CDH17: variants seen among roughly 807,000 people sequenced by gnomAD.
CDH17 encodes cadherin 17, also known as cadherin-17.
A neutral mutation model predicts 86.3 loss-of-function variants in CDH17; 67 were observed. That is an observed-to-expected ratio of 0.78 (90% CI 0.64 to 0.95). The LOEUF is 0.95. CDH17 is among the 40% of genes least tolerant of loss of function. The probability of loss-of-function intolerance (pLI) is 0.00; values close to 1 mark genes in which losing one functional copy is unlikely to be tolerated. For synonymous variants in CDH17, 367 were observed against 366.4 expected (o/e 1.00, Z -0.02); for missense variants, 993 against 1,017.6 (o/e 0.98, Z 0.33).
chr8:94,214,868 T>C (rs1483224238), intron 1 of CDH17, among the ~76,000 whole-genome samples: 1 of 152,070 alleles, frequency 6.6e-6, no homozygotes, highest in African/African-American at 2.4e-5. Flanking sequence ...AAAAAGCACA[T>C]GAAAAGATGC....
chr8:94,195,647 T>A (rs1346042994), intron 1 of CDH17, among the ~76,000 whole-genome samples: 1 of 152,206 alleles, frequency 6.6e-6, no homozygotes, highest in Non-Finnish European at 1.5e-5. Flanking sequence ...CTATGAGACA[T>A]GTCATGACTA....
chr8:94,179,003 T>C (rs1373717105), intron 3 of CDH17, among the ~76,000 whole-genome samples: 1 of 148,880 alleles, frequency 6.7e-6, no homozygotes, highest in Non-Finnish European at 1.5e-5. Flanking sequence ...TTTAAGAATA[T>C]GGGAAATTAA....
intron 5 of CDH17, among the ~76,000 whole-genome samples, 176 bp downstream of exon 5, chr8:94,176,365 T>C (rs184397285): frequency 1.8e-4 from 28 of 152,178 alleles, no homozygotes; most frequent in African/African-American, 6.8e-4. Context: ...TAGTGCTGCA[T>C]TGAGAGACCA....
intron 12 of CDH17, among the ~76,000 whole-genome samples, chr8:94,156,052 G>C (rs1027705212): frequency 6.6e-6 from 1 of 152,196 alleles, no homozygotes; most frequent in South Asian, 2.1e-4. Context: ...GTGAGGCCAA[G>C]TCAAGAGACC....
At chr8:94,163,617 C>T (rs1214933392) in intron 10 of CDH17, among the ~76,000 whole-genome samples, 1 of 152,244 alleles carries the variant, frequency 6.6e-6, no homozygotes, top group Non-Finnish European at 1.5e-5. Context: ...TGCCCACAAC[C>T]TTTGCAAACA....
upstream of CDH17, among the ~76,000 whole-genome samples, chr8:94,210,427 G>A (rs547736935): frequency 1.3e-5 from 2 of 152,174 alleles, no homozygotes; most frequent in East Asian, 3.9e-4. Flanking sequence ...AAATTAACAG[G>A]TGATTATTGC....
At chr8:94,194,507 A>T (rs1813743221) in intron 2 of CDH17, 128 bp downstream of exon 2, 2 of 699,202 alleles carry the variant, frequency 2.9e-6, no homozygotes, top group East Asian at 5.4e-5. Flanking sequence ...TCCATTCTAT[A>T]CAACAACTTA....
intron 15 of CDH17, among the ~76,000 whole-genome samples, chr8:94,136,002 A>T (rs1295774511): frequency 6.6e-6 from 1 of 152,170 alleles, no homozygotes; most frequent in Admixed American, 6.5e-5. Context: ...TCTGGCTTGT[A>T]GGGTTTCTGT....
intron 15 of CDH17, among the ~76,000 whole-genome samples, chr8:94,135,416 C>T (rs992542993): frequency 6.6e-6 from 1 of 152,178 alleles, no homozygotes; most frequent in African/African-American, 2.4e-5. Flanking sequence ...ATGTAATGGC[C>T]TCCTTTGTCT....
At chr8:94,195,126 C>T (rs1398958812) in intron 1 of CDH17, among the ~76,000 whole-genome samples, 2 of 152,160 alleles carry the variant, frequency 1.3e-5, no homozygotes, top group Non-Finnish European at 2.9e-5. Flanking sequence ...CTTAGCTTCC[C>T]AAGTAGCTGG....
rs370842494 is a variant in CDH17 at position 94,146,056 on chromosome 8, A to T, written c.2039T>A (p.Leu680His). ...DYTGLFFCHP[L>H]SAPGSLIFEA... ...GAAAATGAGACTTCCAGGTGCACTG[A>T]GGGGATGGCAGAAGAACAAGCCCGT... The change falls in exon 15 of 18, where the codon CTC becomes CAC. Residue 680 changes from leucine (L) to histidine (H), a missense_variant. Physicochemically the swap from Leu to His is moderately conservative, Grantham distance 99. Transcript: ENST00000027335. 97 of 1,613,776 alleles carry T rather than the reference A, an allele frequency of 6.0e-5. No individual in the cohort carries two copies. Among genetic ancestry groups the T allele is most frequent in the Non-Finnish European group, 7.3e-5 (86 of 1,179,918 alleles).
chr8:94,175,741 A>C (rs2039590093), intron 5 of CDH17, among the ~76,000 whole-genome samples: 1 of 152,150 alleles, frequency 6.6e-6, no homozygotes, highest in Non-Finnish European at 1.5e-5. Flanking sequence ...GCTGAGCCAC[A>C]GATGGGATGT....
Position 94,159,997 on chromosome 8 carries a change from TG to T in CDH17, c.1524del (p.Asn509ThrfsTer6). ...TTTTTAATTATGACATATCCGGTGT[TG>T]GTATGGGGATCTGTGTCAACCCCCA... ...GRLGVDTDPH[T>X]NTGYVIIKKP... On this transcript the variant is annotated frameshift_variant, in exon 12 of 18. Transcript: ENST00000027335. LOFTEE classifies it high-confidence loss of function. The T allele has an allele frequency of 6.2e-7, 1 of 1,610,774 alleles. No homozygotes were observed. The highest frequency in any genetic ancestry group is 8.5e-7 in the Non-Finnish European group (1 of 1,178,804).
chr8:94,178,211 G>A (rs959016410), intron 3 of CDH17, among the ~76,000 whole-genome samples: 4 of 152,040 alleles, frequency 2.6e-5, no homozygotes, highest in East Asian at 1.9e-4. Flanking sequence ...AGAAAATACC[G>A]ACCACCATAT....
Position 94,127,890 on chromosome 8 carries a change from T to G in CDH17, c.*350A>C, listed in dbSNP as rs1318617607. The G allele has an allele frequency of 4.5e-6, 1 of 220,976 alleles. No homozygotes were observed. Among genetic ancestry groups the G allele is most frequent in the Admixed American group, 5.3e-5 (1 of 18,920 alleles). 13.7% of individuals were successfully genotyped at this position (220,976 alleles called of 1,614,324 possible). On this transcript the variant is annotated 3_prime_UTR_variant, in exon 18 of 18. Coordinates refer to ENST00000027335, the MANE Select transcript of CDH17 (RefSeq NM_004063.4). ...AGGCAGATCACTTGACGTCAGGAGT[T>G]CAAGACCAGCCTGGCCAAATGGCGA... is the stretch of plus-strand genomic sequence containing the variant.
intron 15 of CDH17, among the ~76,000 whole-genome samples, chr8:94,139,209 C>T (rs906168893): frequency 1.3e-5 from 2 of 151,878 alleles, no homozygotes; most frequent in Non-Finnish European, 2.9e-5. Flanking sequence ...TAAAAATAGA[C>T]TAGGTTGGAT....
chr8:94,170,688 T>C, intron 8 of CDH17, 141 bp from the exon 9 acceptor site: 1 of 1,317,974 alleles, frequency 7.6e-7, no homozygotes, highest in South Asian at 1.5e-5. Flanking sequence ...AAAACTGAGA[T>C]GGGTCAGAAT....
At chr8:94,153,671 C>T (rs1257666826) in intron 12 of CDH17, among the ~76,000 whole-genome samples, 3 of 152,166 alleles carry the variant, frequency 2.0e-5, no homozygotes, top group Non-Finnish European at 4.4e-5. Flanking sequence ...CATACACACG[C>T]ACACACATAT....
chr8:94,147,499 G>C (rs1215194688), intron 14 of CDH17, among the ~76,000 whole-genome samples: 2 of 152,092 alleles, frequency 1.3e-5, no homozygotes, highest in East Asian at 3.8e-4. Context: ...TTCCGGGGCT[G>C]TGGTGGGGGA....
Sources: gnomAD v4.1 joint callset for allele counts (sites outside exome capture counted in the v4.1 genomes callset) on GRCh38, gnomAD v4.1.1 for gene constraint, MANE v1.5 for transcripts, NCBI Gene and HGNC (gene_info 2026-07-23, HGNC 2026-07-21) for gene names.